ZNF644: variants seen among roughly 807,000 people sequenced by gnomAD.
ZNF644 encodes the protein zinc finger motif enhancer binding protein 2.
A neutral mutation model predicts 108.0 loss-of-function variants in ZNF644; 20 were observed. The observed-to-expected ratio is 0.19, with a 90% CI of 0.13 to 0.27. The LOEUF (loss-of-function observed/expected upper bound fraction) is 0.27. ZNF644 is among the 10% of genes least tolerant of loss of function. The pLI is 1.00. For synonymous variants in ZNF644, 542 were observed against 539.1 expected, an observed-to-expected ratio of 1.01 and a Z score of -0.08; for missense variants, 1,338 against 1,548.9, an observed-to-expected ratio of 0.86 and a Z score of 2.29.
intron 1 of ZNF644, among the ~76,000 whole-genome samples, chr1:91,011,685 T>G (rs1445112298): frequency 1.3e-5 from 2 of 152,218 alleles, no homozygotes; most frequent in Admixed American, 1.3e-4. Flanking sequence ...TTCACACTTG[T>G]AAGCAACTGT....
chr1:91,008,576 G>C (rs1659657577), intron 1 of ZNF644, among the ~76,000 whole-genome samples: 1 of 152,138 alleles, frequency 6.6e-6, no homozygotes, highest in African/African-American at 2.4e-5. Context: ...GAAAACAGTT[G>C]ATAGTTCTGC....
intron 2 of ZNF644, among the ~76,000 whole-genome samples, chr1:90,963,489 C>G (rs960267886): frequency 1.3e-5 from 2 of 151,994 alleles, no homozygotes; most frequent in African/African-American, 2.4e-5. Context: ...TTGGTATACA[C>G]CTAGTATAAA....
chr1:90,945,306 A>AGT (rs1652406125), intron 2 of ZNF644, among the ~76,000 whole-genome samples: 1 of 147,900 alleles, frequency 6.8e-6, no homozygotes, highest in Non-Finnish European at 1.5e-5. Flanking sequence ...GGTTTTTAAA[A>AGT]GTCTAAAAAA....
intron 2 of ZNF644, among the ~76,000 whole-genome samples, chr1:90,967,959 G>A (rs535190260): frequency 2.5e-4 from 38 of 150,534 alleles, no homozygotes; most frequent in Admixed American, 1.6e-3. Flanking sequence ...TACTCGGGAG[G>A]CTGAGGCAGG....
intron 2 of ZNF644, among the ~76,000 whole-genome samples, chr1:90,949,205 T>C (rs1013522247): frequency 6.6e-6 from 1 of 151,346 alleles, no homozygotes; most frequent in African/African-American, 2.4e-5. Flanking sequence ...ATTGAATTTA[T>C]ATATTTATAT....
chr1:91,016,979 C>A (rs1465417410), intron 1 of ZNF644, among the ~76,000 whole-genome samples: 2 of 152,034 alleles, frequency 1.3e-5, no homozygotes, highest in South Asian at 4.2e-4. Context: ...ACTACAGGCA[C>A]GTGCCACCAT....
At chr1:90,922,683 C>G (rs1649594376) in intron 4 of ZNF644, among the ~76,000 whole-genome samples, 1 of 151,838 alleles carries the variant, frequency 6.6e-6, no homozygotes, top group Non-Finnish European at 1.5e-5. Context: ...ATTTCATCAC[C>G]CAGGCAATAA....
At chr1:90,991,989 T>C (rs771783112) in intron 1 of ZNF644, among the ~76,000 whole-genome samples, 20 of 152,174 alleles carry the variant, frequency 1.3e-4, no homozygotes, top group Non-Finnish European at 2.5e-4. Context: ...ACTAATGATA[T>C]ATGCAACATG....
At chr1:90,941,444 G>A in intron 2 of ZNF644, 135 bp from the exon 3 acceptor site, 1 of 823,142 alleles carries the variant, frequency 1.2e-6, no homozygotes, top group Non-Finnish European at 1.8e-6. Flanking sequence ...AATTTTCCAA[G>A]AATGAAAGAA....
intron 1 of ZNF644, among the ~76,000 whole-genome samples, chr1:90,986,257 C>T (rs1429756839): frequency 6.6e-6 from 1 of 151,054 alleles, no homozygotes; most frequent in Non-Finnish European, 1.5e-5. Context: ...AGACAAATTC[C>T]AATAGAAGAT....
At chr1:90,952,786 A>C (rs191672528) in intron 2 of ZNF644, among the ~76,000 whole-genome samples, 4 of 152,272 alleles carry the variant, frequency 2.6e-5, no homozygotes, top group Admixed American at 2.6e-4. Context: ...AGAGAATATA[A>C]GACAGAAGCA....
At position 90,937,596 on chromosome 1, in the gene ZNF644, T is replaced by A; in HGVS notation, c.3577A>T (p.Ile1193Phe). Reference protein sequence around the residue: ...ERNSAISPQKIHNQTARKRFV... With the variant: ...ERNSAISPQKFHNQTARKRFV... The stretch of plus-strand genomic sequence containing the variant: ...CTCTTTCTTGCTGTCTGATTATGGA[T>A]CTTTTGAGGAGAAATAGCAGAATTC... The change falls in exon 4 of 6, where the codon ATC becomes TTC. Residue 1193 changes from isoleucine to phenylalanine, a missense_variant. Around this residue, in one of 6 missense-constraint regions of ZNF644, gnomAD observed 287 missense variants for 310.9 expected, o/e 0.92. Transcript: ENST00000337393. The A allele has an allele frequency of 5.6e-6, 9 of 1,613,948 alleles. No individual in the cohort carries two copies. The highest frequency in any genetic ancestry group is 4.0e-5 in the African/African-American group (3 of 75,044).
In ZNF644 at chr1:90,938,967, C is replaced by T. The variant is rs967130615; in HGVS notation, c.2387G>A (p.Arg796Lys). Residue 796 changes from arginine (R) to lysine (K), a missense_variant, in exon 3 of 6, where the codon AGG becomes AAG. This residue lies in a region of ZNF644 where 462 missense variants were observed against 472.6 expected (regional missense o/e 0.98). Coordinates refer to ENST00000337393, the MANE Select transcript of ZNF644 (RefSeq NM_201269.3). The surrounding 1 kb of genome is among the most constrained non-coding windows in gnomAD (Gnocchi z 4.2). ...ISDPHKPDAKRPESFKDHRRV... is the reference protein window; with the variant it reads ...ISDPHKPDAKKPESFKDHRRV... ...TCTGTGATCTTTGAAGCTTTCAGGC[C>T]TTTTGGCGTCAGGCTTATGAGGGTC... The T allele has an allele frequency of 1.2e-6, 2 of 1,613,836 alleles. No individual in the cohort carries two copies. Among genetic ancestry groups the T allele is most frequent in the Non-Finnish European group, 1.7e-6 (2 of 1,179,940 alleles).
chr1:90,980,314 G>A (rs1656418334), intron 2 of ZNF644, among the ~76,000 whole-genome samples: 1 of 152,164 alleles, frequency 6.6e-6, no homozygotes, highest in Non-Finnish European at 1.5e-5. Context: ...AACTGGGGAG[G>A]CATGGGATTG....
At chr1:90,991,611 A>G (rs1277040390) in intron 1 of ZNF644, among the ~76,000 whole-genome samples, 2 of 152,210 alleles carry the variant, frequency 1.3e-5, no homozygotes, top group Non-Finnish European at 2.9e-5. Flanking sequence ...ACCTGCAATC[A>G]TGGCAGAAGA....
intron 2 of ZNF644, among the ~76,000 whole-genome samples, chr1:90,959,809 T>G (rs545808723): frequency 6.6e-6 from 1 of 152,312 alleles, no homozygotes; most frequent in African/African-American, 2.4e-5. Context: ...TGCACAACAG[T>G]GTAAATACAG....
At chr1:90,931,273 T>G (rs1358732161) in intron 4 of ZNF644, among the ~76,000 whole-genome samples, 4 of 151,778 alleles carry the variant, frequency 2.6e-5, no homozygotes, top group African/African-American at 9.7e-5. Flanking sequence ...ATTTCAATAT[T>G]TAATGAAAAC....
At chr1:91,010,800 A>T (rs1659896010) in intron 1 of ZNF644, among the ~76,000 whole-genome samples, 1 of 152,298 alleles carries the variant, frequency 6.6e-6, no homozygotes, top group African/African-American at 2.4e-5. Flanking sequence ...GCATTAGCTG[A>T]ATTTTGTATG....
intron 2 of ZNF644, among the ~76,000 whole-genome samples, chr1:90,981,334 A>G (rs1656531437): frequency 1.3e-5 from 2 of 152,264 alleles, no homozygotes; most frequent in African/African-American, 4.8e-5. Flanking sequence ...TTTAGAGCAC[A>G]ATAAGTACTC....
Sources: gnomAD v4.1 joint callset for allele counts (sites outside exome capture counted in the v4.1 genomes callset) on GRCh38, gnomAD v4.1.1 for gene constraint, gnomAD v4.1.1 regional missense constraint, Gnocchi (gnomAD v3.1) non-coding constraint, MANE v1.5 for transcripts, NCBI Gene and HGNC (gene_info 2026-07-23, HGNC 2026-07-21) for gene names.